A1BG: variants seen among roughly 807,000 people sequenced by gnomAD.
A1BG encodes alpha-1-B glycoprotein, also known as alpha-1B-glycoprotein.
In A1BG, 44 loss-of-function variants were observed where a neutral mutation model predicts 46.0. That is an observed-to-expected ratio of 0.96 (90% CI 0.75 to 1.23). The LOEUF (loss-of-function observed/expected upper bound fraction) is 1.23, where lower values mean the gene tolerates loss of function less well. A1BG is among the 50% of genes most tolerant of loss of function. The pLI is 0.00. For missense variants in A1BG, 707 were observed against 688.8 expected, an observed-to-expected ratio of 1.03 and a Z score of -0.30; for synonymous variants, 316 against 314.7, an observed-to-expected ratio of 1.00 and a Z score of -0.04.
Position 58,347,363 on chromosome 19 carries a change from G to T in A1BG, c.1470C>A (p.Leu490=). 6.2e-7 allele frequency: 1 copy of T among 1,611,838 alleles called. No homozygotes were observed. The highest frequency in any genetic ancestry group is 8.5e-7 in the Non-Finnish European group (1 of 1,179,856). Reference sequence around the variant, plus strand: ...CCAGGGAAACGTCACCTGCCACCAGGAGCTCCACAGGGTCGCTGAGCTCCG... The same window carrying T: ...CCAGGGAAACGTCACCTGCCACCAGTAGCTCCACAGGGTCGCTGAGCTCCG... ...FESELSDPVE[L]LVAES is the part of the protein sequence containing the mutation. The change falls in exon 7 of 8, where the codon CTC becomes CTA. Residue 490 remains leucine, a synonymous_variant. Transcript: ENST00000263100.
Position 58,347,612 on chromosome 19 carries a change from C to G in A1BG, c.1221G>C (p.Ala407=). 1 of 1,479,304 alleles carries G rather than the reference C, an allele frequency of 6.8e-7. No individual in the cohort carries two copies. The highest frequency in any genetic ancestry group is 2.6e-5 in the East Asian group (1 of 38,292). The allele number at this position is 1,479,304 out of a possible 1,614,324, so 91.6% of individuals were successfully genotyped here. The part of the protein sequence containing the change: ...DGPPPRPQLR[A]TWSGAVLAGR... ...CCGCCAGGACCGCCCCACTCCACGT[C>G]GCCCGGAGCTGAGGCCTGGGAGGGG... Residue 407 remains alanine (A), a synonymous_variant, in exon 7 of 8, where the codon GCG becomes GCC. Coordinates refer to ENST00000263100, the MANE Select transcript of A1BG (RefSeq NM_130786.4).
chr19:58,353,261 C>T, intron 2 of A1BG, 31 bp downstream of exon 2: 1 of 1,613,954 alleles, frequency 6.2e-7, no homozygotes, highest in South Asian at 1.1e-5. Flanking sequence ...GGCCTGGGCC[C>T]ACCATTCCCA....
Position 58,346,499 on chromosome 19 carries a change from G to A in A1BG, c.*523C>T. The A allele has an allele frequency of 5.2e-6, 1 of 192,690 alleles. No homozygotes were observed. The highest frequency in any genetic ancestry group is 1.1e-5 in the Non-Finnish European group (1 of 93,388). 11.9% of individuals were successfully genotyped at this position (192,690 alleles called of 1,614,324 possible). ...AGCTACTCAGGAGGCTGAGGTGGGA[G>A]GATCACTTAAGGCCAGGAGTTCAAG... On this transcript the variant is annotated 3_prime_UTR_variant, in exon 8 of 8. Coordinates refer to ENST00000263100, the MANE Select transcript of A1BG (RefSeq NM_130786.4).
In A1BG at chr19:58,346,917, C is replaced by T. The variant is rs2051916766; in HGVS notation, c.*105G>A. On this transcript the variant is annotated 3_prime_UTR_variant, in exon 8 of 8. Coordinates refer to ENST00000263100, the MANE Select transcript of A1BG (RefSeq NM_130786.4). ...GGAGGAATGAGGGAGGCTTCTCCAG[C>T]CCCCCAGAGACCCCGGCCTTGTGCT... 2.5e-6 allele frequency: 3 copies of T among 1,222,302 alleles called. No individual in the cohort carries two copies. Among genetic ancestry groups the T allele is most frequent in the Non-Finnish European group, 3.6e-6 (3 of 822,550 alleles). 75.7% of individuals were successfully genotyped at this position (1,222,302 alleles called of 1,614,324 possible). A position where few individuals can be genotyped will look rare whatever the true frequency, so the allele number is the denominator to read the frequency against.
chr19:58,351,607 A>T lies in A1BG; in HGVS notation c.694T>A (p.Cys232Ser). The T allele has an allele frequency of 6.2e-7, 1 of 1,613,668 alleles. No homozygotes were observed. The highest frequency in any genetic ancestry group is 8.5e-7 in the Non-Finnish European group (1 of 1,179,974). Residue 232 changes from cysteine (C) to serine (S), a missense_variant, in exon 5 of 8, where the codon TGC becomes AGC. By Grantham distance (112) the Cys-to-Ser change is moderately radical. Transcript: ENST00000263100. The stretch of plus-strand genomic sequence containing the variant: ...TCCACTCCACTCAGGGGAGCCACGC[A>T]GGTGAGGGTCACCTTGTTGCCAGGG... ...LHPGNKVTLT[C>S]VAPLSGVDFQ...
intron 5 of A1BG, 160 bp downstream of exon 5, chr19:58,351,231 A>G (rs2051954864): frequency 1.1e-6 from 1 of 900,422 alleles, no homozygotes; most frequent in South Asian, 1.6e-5. Context: ...CACGCTCATC[A>G]TCATATTTGC....
At chr19:58,347,761 T>A in intron 6 of A1BG, 121 bp from the exon 7 acceptor site, 1 of 584,130 alleles carries the variant, frequency 1.7e-6, no homozygotes, top group East Asian at 3.8e-5. Context: ...TCATCTTCCC[T>A]GTCTTGTTCC....
chr19:58,345,269 G>GA lies in A1BG; in HGVS notation c.*1752dup, dbSNP rs1236977084. On this transcript the variant is annotated 3_prime_UTR_variant, in exon 8 of 8. Transcript: ENST00000263100. ...TATAGATGGCAACTAAGCACTTGGG[G>GA]AAAAAATGCTTAACATCATCAGACA... The GA allele has an allele frequency of 6.6e-6, 1 of 152,072 alleles. No individual in the cohort carries two copies. The highest frequency in any genetic ancestry group is 6.6e-5 in the Admixed American group (1 of 15,264). 9.4% of individuals were successfully genotyped at this position (152,072 alleles called of 1,614,324 possible).
rs2051963702 is a variant in A1BG, at chr19:58,351,964, T to A, written c.614-277A>T. The A allele has an allele frequency of 1.4e-5, 12 of 836,970 alleles. No individual in the cohort carries two copies. The South Asian group carries it at 2.3e-4, about 16-fold the overall frequency. 51.8% of individuals were successfully genotyped at this position (836,970 alleles called of 1,614,324 possible). On this transcript the variant is annotated intron_variant, in intron 4 of 7. Coordinates refer to ENST00000263100, the MANE Select transcript of A1BG (RefSeq NM_130786.4). ...GCACCTGCCACCACACCTGGCTAAT[T>A]TTTGTATTTTTAGTAGAGACGGGGT... is the stretch of plus-strand genomic sequence containing the variant.
At position 58,353,433 on chromosome 19, in the gene A1BG, G is replaced by A. The variant is rs2051986291; in HGVS notation, c.5C>T (p.Ser2Phe). 2 of 1,611,898 alleles carry A rather than the reference G, an allele frequency of 1.2e-6. No homozygotes were observed. The highest frequency in any genetic ancestry group is 4.5e-5 in the East Asian group (2 of 44,798). Residue 2 changes from serine to phenylalanine, a missense_variant, in exon 1 of 8, where the codon TCC becomes TTC. Ser to Phe is a radical substitution (Grantham distance 155, BLOSUM62 -2). Transcript: ENST00000263100. ...CAGCAAGAGAAAGACCACGAGCATGGACATGATGGTCGCGCTCACTCCGGT... is the reference window on the plus strand; with the variant it reads ...CAGCAAGAGAAAGACCACGAGCATGAACATGATGGTCGCGCTCACTCCGGT... The part of the protein sequence containing the change: M[S>F]MLVVFLLLWG...
intron 5 of A1BG, chr19:58,350,994 C>T (rs2051953101): frequency 4.8e-6 from 2 of 420,404 alleles, no homozygotes; most frequent in Non-Finnish European, 8.6e-6. Flanking sequence ...AATGCCCGCC[C>T]CACGGAGGGG....
chr19:58,352,456 G>C lies in A1BG; in HGVS notation c.440C>G (p.Thr147Ser), dbSNP rs764616664. The C allele has an allele frequency of 6.2e-7, 1 of 1,613,644 alleles. No homozygotes were observed. Among genetic ancestry groups the C allele is most frequent in the East Asian group, 2.2e-5 (1 of 44,886 alleles). The change falls in exon 4 of 8, where the codon ACT becomes AGT. Residue 147 changes from threonine to serine, a missense_variant. Coordinates refer to ENST00000263100, the MANE Select transcript of A1BG (RefSeq NM_130786.4). ...AVCRGVLRGVTFLLRREGDHE... is the reference protein window; with the variant it reads ...AVCRGVLRGVSFLLRREGDHE... ...GTCGCCCTCCCGCCTCAGCAGAAAA[G>C]TCACACCCCGCAGCACACCTCGGCA...
At chr19:58,349,282 C>T (rs1176331618) in intron 6 of A1BG, among the ~76,000 whole-genome samples, 1 of 152,064 alleles carries the variant, frequency 6.6e-6, no homozygotes, top group Non-Finnish European at 1.5e-5. Flanking sequence ...TCCCAAAGTG[C>T]TGTGATTACA....
Position 58,352,519 on chromosome 19 carries a change from A to G in A1BG, c.377T>C (p.Val126Ala). Residue 126 changes from valine to alanine, a missense_variant, in exon 4 of 8, where the codon GTG (valine) becomes GCG (alanine). Val to Ala is a moderately conservative substitution (Grantham distance 64). Coordinates refer to ENST00000263100, the MANE Select transcript of A1BG (RefSeq NM_130786.4). ...TTTCAGGCCGGGGGTGATCCAGGAC[A>G]CTGGCGCCATCGAGAGCCAGGGAGC... ...LPAPWLSMAP[V>A]SWITPGLKTT... is the part of the protein sequence containing the mutation. 1 of 1,611,934 alleles carries G rather than the reference A, an allele frequency of 6.2e-7. No homozygotes were observed. The highest frequency in any genetic ancestry group is 8.5e-7 in the Non-Finnish European group (1 of 1,179,970).
At chr19:58,353,350 G>T (rs1019841433) in intron 1 of A1BG, 23 bp from the exon 2 acceptor site, 2 of 1,610,554 alleles carry the variant, frequency 1.2e-6, no homozygotes, top group South Asian at 1.1e-5. Context: ...CCCCCGTAAG[G>T]CTCCTGTTCC....
intron 6 of A1BG, chr19:58,348,346 C>T (rs1254951259): frequency 6.6e-6 from 1 of 152,008 alleles, no homozygotes; most frequent in African/African-American, 2.4e-5. Context: ...AGTGACACTC[C>T]GTCTCAAAAA....
intron 3 of A1BG, 105 bp from the exon 4 acceptor site, chr19:58,352,660 T>C: frequency 7.1e-7 from 1 of 1,413,142 alleles, no homozygotes; most frequent in East Asian, 2.3e-5. Flanking sequence ...GAGACAGGGA[T>C]GGAGGGCATT....
At position 58,346,998 on chromosome 19, in the gene A1BG, C is replaced by G. The variant is rs1246765337; in HGVS notation, c.*24G>C. On this transcript the variant is annotated 3_prime_UTR_variant, in exon 8 of 8. Transcript: ENST00000263100. ...TCCCCGGCACTTCTGAGGACACCAA[C>G]AGCACCCTGGGCCCGCGGCTGCATC... The G allele has an allele frequency of 3.5e-5, 56 of 1,614,100 alleles. No individual in the cohort carries two copies. Among genetic ancestry groups the G allele is most frequent in the Non-Finnish European group, 4.7e-5 (56 of 1,179,974 alleles).
In A1BG at chr19:58,351,361, G is replaced by A. The variant is rs376793710; in HGVS notation, c.910+30C>T. The A allele has an allele frequency of 1.8e-4, 282 of 1,600,474 alleles. No homozygotes were observed. In the South Asian group the frequency reaches 2.1e-3, roughly 12 times the overall value. On this transcript the variant is annotated intron_variant, in intron 5 of 7. Transcript: ENST00000263100. ...GCTCCTGCTCCCCAGGGACCCAGCC[G>A]CGTCCCTGTCCCTGCTGGCCCCGGC...
Sources: gnomAD v4.1 joint callset for allele counts (sites outside exome capture counted in the v4.1 genomes callset) on GRCh38, gnomAD v4.1.1 for gene constraint, MANE v1.5 for transcripts, NCBI Gene and HGNC (gene_info 2026-07-23, HGNC 2026-07-21) for gene names.